The following TIMMDC1 variants were observed in gnomAD, a reference collection of about 807,000 sequenced individuals.
TIMMDC1 encodes the protein complex I assembly factor TIMMDC1, mitochondrial.
TIMMDC1 carries 25 observed loss-of-function variants against 32.6 expected under a neutral mutation model. The observed-to-expected ratio is 0.77, with a 90% confidence interval of 0.56 to 1.07. TIMMDC1 has a LOEUF of 1.07. Ranked by LOEUF, TIMMDC1 falls within the 50% of genes least tolerant of loss-of-function variation. The pLI is 0.00. For missense variants in TIMMDC1, 329 were observed against 349.2 expected (o/e 0.94, Z 0.46); for synonymous variants, 130 against 127.6 (o/e 1.02, Z -0.13).
Position 119,498,770 on chromosome 3 carries a change from T to G in TIMMDC1, c.37T>G (p.Cys13Gly). ...VPPPAPRSFLCRALCLFPRVF... is the reference protein window; with the variant it reads ...VPPPAPRSFLGRALCLFPRVF... ...GCCACCGGCACCGCGGAGCTTTCTC[T>G]GTAGAGCATTGTGCCTATTTCCCCG... The change falls in exon 1 of 7, where the codon TGT becomes GGT. Residue 13 changes from cysteine to glycine, a missense_variant. Physicochemically the swap from Cys to Gly is radical, Grantham distance 159. Coordinates refer to ENST00000494664, the MANE Select transcript of TIMMDC1 (RefSeq NM_016589.4). The G allele has an allele frequency of 1.2e-6, 2 of 1,614,254 alleles. No homozygotes were observed. Among genetic ancestry groups the G allele is most frequent in the Non-Finnish European group, 1.7e-6 (2 of 1,180,030 alleles).
chr3:119,499,083 T>C, intron 1 of TIMMDC1, 156 bp downstream of exon 1: 1 of 604,282 alleles, frequency 1.7e-6, no homozygotes, highest in South Asian at 2.2e-5. Context: ...GCTTGTATCT[T>C]TTTTCTTTCT....
At chr3:119,516,648 A>G (rs894615453) in intron 5 of TIMMDC1, among the ~76,000 whole-genome samples, 3 of 152,162 alleles carry the variant, frequency 2.0e-5, no homozygotes, top group Non-Finnish European at 4.4e-5. Context: ...TATAATAATT[A>G]TTATCTAAAT....
Position 119,499,434 on chromosome 3 carries a change from T to C in TIMMDC1, c.194+507T>C, listed in dbSNP as rs545564739. ...TTTTTCTTTCTTTTTTTTTTTTTTT[T>C]CGAGACTGAGTCGCGCTCTATCGCC... On this transcript the variant is annotated intron_variant, in intron 1 of 6. Coordinates refer to ENST00000494664, the MANE Select transcript of TIMMDC1 (RefSeq NM_016589.4). Among the ~76,000 whole-genome samples, 1,268 of 135,314 alleles carry C rather than the reference T, an allele frequency of 9.4e-3. 10 individuals carry two copies. The highest frequency in any genetic ancestry group is 0.032 in the African/African-American group (1,169 of 37,002). 88.8% of individuals were successfully genotyped at this position (135,314 alleles called of 152,430 possible).
At position 119,523,732 on chromosome 3, in the gene TIMMDC1, AATAG is replaced by A; in HGVS notation, c.838_841del (p.Asp280AsnfsTer60). The A allele has an allele frequency of 6.2e-7, 1 of 1,610,060 alleles. No individual in the cohort carries two copies. Among genetic ancestry groups the A allele is most frequent in the Non-Finnish European group, 8.5e-7 (1 of 1,178,532 alleles). ...TAAACCTTCCTAGAAACCCTTCAGT[AATAG>A]ATAAACAAGACAAGGACTGAAAGTG... On this transcript the variant is annotated frameshift_variant, in exon 7 of 7. Coordinates refer to ENST00000494664, the MANE Select transcript of TIMMDC1 (RefSeq NM_016589.4). LOFTEE classifies it high-confidence loss of function.
chr3:119,522,099 T>C lies in TIMMDC1; in HGVS notation c.708-1507T>C, dbSNP rs544460159. On this transcript the variant is annotated intron_variant, in intron 6 of 6. Coordinates refer to ENST00000494664, the MANE Select transcript of TIMMDC1 (RefSeq NM_016589.4). Reference sequence around the variant, plus strand: ...AAGAAACCAGCATATCAAAGAGTTATCTGCGCCCCCATGCTTATTGTAGCA... The same window carrying C: ...AAGAAACCAGCATATCAAAGAGTTACCTGCGCCCCCATGCTTATTGTAGCA... Among the ~76,000 whole-genome samples the C allele has an allele frequency of 2.5e-3, 387 of 152,280 alleles. 1 individual carries two copies. The highest frequency in any genetic ancestry group is 4.4e-3 in the Non-Finnish European group (302 of 68,002).
At chr3:119,509,405 T>TGA (rs2107730327) in intron 4 of TIMMDC1, among the ~76,000 whole-genome samples, 1 of 152,320 alleles carries the variant, frequency 6.6e-6, no homozygotes, top group South Asian at 2.1e-4. Context: ...GTCCATTCAC[T>TGA]TGAATATTTT....
chr3:119,514,038 C>T (rs1391393318), intron 5 of TIMMDC1, among the ~76,000 whole-genome samples: 1 of 152,036 alleles, frequency 6.6e-6, no homozygotes, highest in Admixed American at 6.5e-5. Flanking sequence ...ATTGCTAACA[C>T]CTGAAACTAT....
chr3:119,505,956 G>A (rs1377243771), intron 4 of TIMMDC1, among the ~76,000 whole-genome samples: 1 of 152,054 alleles, frequency 6.6e-6, no homozygotes, highest in Non-Finnish European at 1.5e-5. Context: ...GGATGTGTAA[G>A]TTTGTTACTT....
chr3:119,523,955 T>C lies in TIMMDC1; in HGVS notation c.*199T>C. Reference sequence around the variant, plus strand: ...GTTGTACTCTCACTTTACTTATCCTTAAATTTAAATACATACTTATGTTTG... The same window carrying C: ...GTTGTACTCTCACTTTACTTATCCTCAAATTTAAATACATACTTATGTTTG... On this transcript the variant is annotated 3_prime_UTR_variant, in exon 7 of 7. Transcript: ENST00000494664. The C allele has an allele frequency of 2.3e-6, 1 of 441,244 alleles. No homozygotes were observed. 27.3% of individuals were successfully genotyped at this position (441,244 alleles called of 1,614,324 possible).
At chr3:119,513,748 T>C in intron 5 of TIMMDC1, 29 bp downstream of exon 5, 1 of 1,466,188 alleles carries the variant, frequency 6.8e-7, no homozygotes, top group Non-Finnish European at 9.3e-7. Context: ...TGGTTCTAAA[T>C]TGGCACAATT....
At chr3:119,506,878 T>C (rs960158054) in intron 4 of TIMMDC1, among the ~76,000 whole-genome samples, 1 of 152,216 alleles carries the variant, frequency 6.6e-6, no homozygotes, top group Admixed American at 6.5e-5. Context: ...CAGTCCCTCT[T>C]CTTGAATGCA....
rs71156752 is a variant in TIMMDC1 at position 119,522,804 on chromosome 3, T to TTGTGTG, written c.708-775_708-770dup. ...GTATAGCATATACACGTATGGGTGT[T>TTGTGTG]TGTGTGTGTGTGTGTGTGTGTGTGT... On this transcript the variant is annotated intron_variant, in intron 6 of 6. Transcript: ENST00000494664. 8.5e-3 allele frequency among the ~76,000 whole-genome samples: 1,259 copies of TTGTGTG among 148,746 alleles called. 12 individuals are homozygous for TTGTGTG. Among genetic ancestry groups the TTGTGTG allele is most frequent in the African/African-American group, 0.029 (1,171 of 41,002 alleles).
rs373019126 is a variant in TIMMDC1 at position 119,515,076 on chromosome 3, G to A, written c.596+1357G>A. ...GTGGTGGCAAGCGCCTGTAATCACA[G>A]ATACTCGGGAGGCTGAGGCAGGAGG... On this transcript the variant is annotated intron_variant, in intron 5 of 6. Coordinates refer to ENST00000494664, the MANE Select transcript of TIMMDC1 (RefSeq NM_016589.4). 1.1e-4 allele frequency among the ~76,000 whole-genome samples: 16 copies of A among 152,074 alleles called. No individual in the cohort carries two copies. In the East Asian group the frequency reaches 2.7e-3, roughly 26 times the overall value.
chr3:119,498,975 T>C, intron 1 of TIMMDC1, 48 bp downstream of exon 1: 1 of 1,581,986 alleles, frequency 6.3e-7, no homozygotes, highest in South Asian at 1.1e-5. Context: ...GCGAAAGCGG[T>C]GTCCTGCAGC....
chr3:119,503,403 G>A, intron 2 of TIMMDC1, 129 bp from the exon 3 acceptor site: 3 of 625,124 alleles, frequency 4.8e-6, no homozygotes, highest in Non-Finnish European at 8.1e-6. Flanking sequence ...TATTTCTAGA[G>A]ATTTTCTAGT....
At chr3:119,506,106 A>G (rs1438451536) in intron 4 of TIMMDC1, among the ~76,000 whole-genome samples, 1 of 152,256 alleles carries the variant, frequency 6.6e-6, no homozygotes, top group African/African-American at 2.4e-5. Flanking sequence ...AGAAATAGGC[A>G]TTAATAGCGT....
chr3:119,498,584 T>A lies in TIMMDC1; in HGVS notation c.-150T>A, dbSNP rs1199920730. The A allele has an allele frequency of 2.0e-5, 14 of 707,598 alleles. No homozygotes were observed. The highest frequency in any genetic ancestry group is 3.3e-5 in the Non-Finnish European group (14 of 421,310). 43.8% of individuals were successfully genotyped at this position (707,598 alleles called of 1,614,324 possible). A position where few individuals can be genotyped will look rare whatever the true frequency, so the allele number is the denominator to read the frequency against. ...AGGACTCCAAAGCGAGGCCGGGGAC[T>A]GAAGGTGTGGGTGTCGAGCCCTCTG... On this transcript the variant is annotated 5_prime_UTR_variant, in exon 1 of 7. Coordinates refer to ENST00000494664, the MANE Select transcript of TIMMDC1 (RefSeq NM_016589.4).
intron 4 of TIMMDC1, among the ~76,000 whole-genome samples, chr3:119,511,632 C>CT (rs1362136913): frequency 6.6e-6 from 1 of 152,160 alleles, no homozygotes; most frequent in African/African-American, 2.4e-5. Context: ...TTAAACCTAT[C>CT]TATGTCATAA....
chr3:119,523,542 T>G, intron 6 of TIMMDC1, 64 bp from the exon 7 acceptor site: 2 of 1,462,982 alleles, frequency 1.4e-6, no homozygotes, highest in Non-Finnish European at 1.8e-6. Context: ...TCCTTTTTGT[T>G]TTAAATCTGT....
Sources: gnomAD v4.1 joint callset for allele counts (sites outside exome capture counted in the v4.1 genomes callset) on GRCh38, gnomAD v4.1.1 for gene constraint, MANE v1.5 for transcripts, NCBI Gene and HGNC (gene_info 2026-07-23, HGNC 2026-07-21) for gene names.